Variants in HECW2 observed in about 807,000 individuals in gnomAD.
The protein encoded by HECW2 is E3 ubiquitin-protein ligase HECW2.
In HECW2, 61 loss-of-function variants were observed where a neutral mutation model predicts 175.2. The ratio of observed to expected loss-of-function variants is 0.35; its 90% CI spans 0.28 to 0.43. The LOEUF (loss-of-function observed/expected upper bound fraction) is 0.43, where lower values mean the gene tolerates loss of function less well. Among genes scored for constraint, HECW2 ranks in the 20% least tolerant of loss-of-function variants. The pLI is 1.00. For missense variants in HECW2, 1,524 were observed against 2,000.5 expected, an observed-to-expected ratio of 0.76 and a Z score of 4.54; for synonymous variants, 671 against 731.0, an observed-to-expected ratio of 0.92 and a Z score of 1.32.
chr2:196,223,853 GAGA>G (rs1003582385), intron 23 of HECW2, among the ~76,000 whole-genome samples: 8 of 152,180 alleles, frequency 5.3e-5, no homozygotes, highest in African/African-American at 1.9e-4. Context: ...TAAGGTTGGA[GAGA>G]AGAAGATGAA....
At chr2:196,364,759 G>A (rs1021273726) in intron 2 of HECW2, among the ~76,000 whole-genome samples, 5 of 152,124 alleles carry the variant, frequency 3.3e-5, no homozygotes, top group Admixed American at 2.0e-4. Context: ...AATATAAAAT[G>A]AATTCTTTAA....
At chr2:196,455,221 A>G (rs13402195) in intron 1 of HECW2, among the ~76,000 whole-genome samples, 20,105 of 151,998 alleles carry the variant, frequency 0.13, 1,801 homozygotes, top group African/African-American at 0.26. Context: ...TTTAGTTGAG[A>G]TGGGGTTTCA....
Position 196,319,163 on chromosome 2 carries a change from G to A in HECW2, c.1727C>T (p.Pro576Leu). 1 of 1,595,196 alleles carries A rather than the reference G, an allele frequency of 6.3e-7. No individual in the cohort carries two copies. The highest frequency in any genetic ancestry group is 8.5e-7 in the Non-Finnish European group (1 of 1,169,800). The change falls in exon 9 of 29, where the codon CCC (proline) becomes CTC (leucine). Residue 576 changes from proline to leucine, a missense_variant. By Grantham distance (98) the Pro-to-Leu change is moderately conservative. Coordinates refer to ENST00000644978, the MANE Select transcript of HECW2 (RefSeq NM_001348768.2). ...AGTCCCTGTGTCTGCGCCACTTGTG[G>A]GCTGATCTACCTCTTGAGAGCCACA... ...ELCGSQEVDQ[P>L]TSGADTGTSD...
intron 1 of HECW2, among the ~76,000 whole-genome samples, chr2:196,468,909 C>T (rs1046207268): frequency 5.9e-5 from 9 of 152,140 alleles, no homozygotes; most frequent in Non-Finnish European, 1.3e-4. Flanking sequence ...GCCTCGTCCT[C>T]CTAGACAGCA....
At chr2:196,313,001 C>A (rs758849974) in intron 10 of HECW2, among the ~76,000 whole-genome samples, 9 of 152,030 alleles carry the variant, frequency 5.9e-5, no homozygotes, top group Non-Finnish European at 8.8e-5. Flanking sequence ...TAGTTTGAAC[C>A]CCTCACATAA....
At chr2:196,365,822 C>T (rs1252863128) in intron 2 of HECW2, among the ~76,000 whole-genome samples, 7 of 152,168 alleles carry the variant, frequency 4.6e-5, no homozygotes, top group African/African-American at 1.2e-4. Context: ...TGTGTACACA[C>T]ACTCATTTAA....
At chr2:196,367,485 T>C (rs1693775877) in intron 2 of HECW2, among the ~76,000 whole-genome samples, 1 of 152,232 alleles carries the variant, frequency 6.6e-6, no homozygotes, top group African/African-American at 2.4e-5. Context: ...TTTCTTTGTG[T>C]TAAAAATAAT....
At chr2:196,218,536 G>T (rs141487194) in intron 26 of HECW2, among the ~76,000 whole-genome samples, 1 of 152,080 alleles carries the variant, frequency 6.6e-6, no homozygotes, top group Non-Finnish European at 1.5e-5. Flanking sequence ...TCCTGGGTCC[G>T]GGCGTGGTGG....
intron 15 of HECW2, among the ~76,000 whole-genome samples, chr2:196,277,476 A>G (rs1321652973): frequency 1.3e-5 from 2 of 152,204 alleles, no homozygotes; most frequent in African/African-American, 4.8e-5. Context: ...TCAGGAGACA[A>G]TAGGTGCTGG....
intron 2 of HECW2, among the ~76,000 whole-genome samples, chr2:196,379,110 A>G (rs910740029): frequency 2.6e-5 from 4 of 152,148 alleles, no homozygotes; most frequent in African/African-American, 9.7e-5. Context: ...AATGTGAGAC[A>G]TTCTCAAGGA....
At chr2:196,407,167 AATAAT>A (rs1358501228) in intron 2 of HECW2, among the ~76,000 whole-genome samples, 19 of 152,260 alleles carry the variant, frequency 1.2e-4, no homozygotes, top group African/African-American at 4.3e-4. Context: ...GCAAAATAAA[AATAAT>A]ATACTTAGGT....
chr2:196,494,930 T>C lies in HECW2; in HGVS notation c.-35-61472A>G, dbSNP rs118137560. On this transcript the variant is annotated intron_variant, in intron 1 of 28. Coordinates refer to ENST00000644978, the MANE Select transcript of HECW2 (RefSeq NM_001348768.2). ...CCTACTCTGTAGTCTCCAACAATCA[T>C]TGACCTACTCTGTTCCTCTGCAAAA... Among the ~76,000 whole-genome samples, 65 of 152,330 alleles carry C rather than the reference T, an allele frequency of 4.3e-4. No homozygotes were observed. The East Asian group carries it at 0.012, about 29-fold the overall frequency.
chr2:196,402,790 C>G (rs1238682389), intron 2 of HECW2, among the ~76,000 whole-genome samples: 1 of 147,008 alleles, frequency 6.8e-6, no homozygotes, highest in East Asian at 2.0e-4. Context: ...CAAACAGATT[C>G]CTTGCCTTGG....
intron 21 of HECW2, among the ~76,000 whole-genome samples, chr2:196,231,924 G>C (rs773159561): frequency 1.3e-5 from 2 of 152,316 alleles, no homozygotes; most frequent in Non-Finnish European, 2.9e-5. Context: ...AGGAGGCAGA[G>C]CTTGCAGTGA....
intron 14 of HECW2, among the ~76,000 whole-genome samples, chr2:196,279,101 T>C (rs990136246): frequency 6.6e-6 from 1 of 151,946 alleles, no homozygotes; most frequent in Non-Finnish European, 1.5e-5. Flanking sequence ...CAGGCTGGAG[T>C]GCAGTGGCGC....
At chr2:196,250,268 A>G (rs553767166) in intron 19 of HECW2, among the ~76,000 whole-genome samples, 1 of 152,178 alleles carries the variant, frequency 6.6e-6, no homozygotes, top group African/African-American at 2.4e-5. Context: ...GATAAAGTCC[A>G]CTCTGCATGA....
rs139938246 is a variant in HECW2, at chr2:196,462,780, G to A, written c.-35-29322C>T. Among the ~76,000 whole-genome samples the A allele has an allele frequency of 4.3e-3, 652 of 152,092 alleles. 5 individuals carry two copies. Among genetic ancestry groups the A allele is most frequent in the African/African-American group, 0.015 (622 of 41,482 alleles). The stretch of plus-strand genomic sequence containing the variant: ...GGACACAAGTCAGGTCAAAACAACT[G>A]TACTTTTTCATCTCAACAACAAAGA... On this transcript the variant is annotated intron_variant, in intron 1 of 28. Coordinates refer to ENST00000644978, the MANE Select transcript of HECW2 (RefSeq NM_001348768.2).
rs1299868819 is a variant in HECW2, at chr2:196,200,391, T to A, written c.*886A>T. 6.6e-6 allele frequency: 1 copy of A among 152,624 alleles called. No individual in the cohort carries two copies. The highest frequency in any genetic ancestry group is 1.5e-5 in the Non-Finnish European group (1 of 68,030). The allele number at this position is 152,624 out of a possible 1,614,324, so 9.5% of individuals were successfully genotyped here. A position where few individuals can be genotyped will look rare whatever the true frequency, so the allele number is the denominator to read the frequency against. ...TTGAGAGTGCTTAAAAGGATACATA[T>A]TAGCATGATGCCCGAGTATGCATGG... On this transcript the variant is annotated 3_prime_UTR_variant, in exon 29 of 29. Transcript: ENST00000644978.
At chr2:196,303,864 T>A (rs1691161630) in intron 13 of HECW2, among the ~76,000 whole-genome samples, 1 of 152,168 alleles carries the variant, frequency 6.6e-6, no homozygotes. Context: ...CTATCCCATA[T>A]TCCAATCTAT....
Sources: allele counts gnomAD v4.1 joint callset (sites outside exome capture counted in the v4.1 genomes callset), GRCh38; gene constraint gnomAD v4.1.1; transcripts MANE v1.5; gene names NCBI Gene and HGNC (gene_info 2026-07-23, HGNC 2026-07-21).